The following SMOX variants were observed in gnomAD, a reference collection of about 807,000 sequenced individuals.
SMOX encodes flavin containing amine oxidase.
SMOX carries 22 observed loss-of-function variants against 51.0 expected under a neutral mutation model. The ratio of observed to expected loss-of-function variants is 0.43; its 90% CI spans 0.31 to 0.62. The LOEUF (loss-of-function observed/expected upper bound fraction) is 0.62, where lower values mean the gene tolerates loss of function less well. Among genes scored for constraint, SMOX ranks in the 20% least tolerant of loss-of-function variants. The pLI is 0.10. For missense variants in SMOX, 566 were observed against 777.7 expected (o/e 0.73, Z 3.24); for synonymous variants, 282 against 307.8 (o/e 0.92, Z 0.88).
At chr20:4,178,801 A>G in intron 3 of SMOX, among the ~76,000 whole-genome samples, 1 of 151,712 alleles carries the variant, frequency 6.6e-6, no homozygotes, top group Non-Finnish European at 1.5e-5. Flanking sequence ...CTCCTGCCTC[A>G]GTCTCCTGAG....
At position 4,153,160 on chromosome 20, in the gene SMOX, C is replaced by T. The variant is rs1008327802; in HGVS notation, c.-27+4183C>T. Among the ~76,000 whole-genome samples the T allele has an allele frequency of 6.6e-6, 1 of 152,128 alleles. No individual in the cohort carries two copies. Among genetic ancestry groups the T allele is most frequent in the Non-Finnish European group, 1.5e-5 (1 of 68,018 alleles). The stretch of plus-strand genomic sequence containing the variant: ...CCACTTTTTCTTCCAGGAGGGGCTC[C>T]GGACCCAGGCCAATGGGTTGGGCAT... On this transcript the variant is annotated intron_variant, in intron 1 of 6. Transcript: ENST00000305958. This position sits in a 1 kb window ranked among gnomAD's most constrained non-coding sequence, Gnocchi z 4.4.
At chr20:4,179,073 T>C (rs1460706134) in intron 3 of SMOX, among the ~76,000 whole-genome samples, 1 of 152,214 alleles carries the variant, frequency 6.6e-6, no homozygotes, top group Non-Finnish European at 1.5e-5. Context: ...CAGGCACACT[T>C]GGTGTCATGT....
chr20:4,160,422 C>A (rs567630947), intron 1 of SMOX, among the ~76,000 whole-genome samples: 1 of 152,312 alleles, frequency 6.6e-6, no homozygotes, highest in African/African-American at 2.4e-5. Flanking sequence ...GAGGTCGGAG[C>A]AGGGATTGAG....
At position 4,183,519 on chromosome 20, in the gene SMOX, G is replaced by T. The variant is rs1979506425; in HGVS notation, c.1395G>T (p.Arg465=). ...FTGNPNIPKP[R]RILRSAWGSN... is the part of the protein sequence containing the mutation. ...GGAACCCCAACATTCCAAAACCTCG[G>T]CGAATCTTGCGCTCGGCCTGGGGCA... Residue 465 remains arginine (R), a synonymous_variant, in exon 6 of 7, where the codon CGG becomes CGT. Transcript: ENST00000305958. This position sits in a 1 kb window ranked among gnomAD's most constrained non-coding sequence, Gnocchi z 4.3. 1 of 1,614,062 alleles carries T rather than the reference G, an allele frequency of 6.2e-7. No individual in the cohort carries two copies. Among genetic ancestry groups the T allele is most frequent in the Non-Finnish European group, 8.5e-7 (1 of 1,180,050 alleles).
At position 4,187,489 on chromosome 20, in the gene SMOX, A is replaced by T. The variant is rs1465811606; in HGVS notation, c.*82A>T. ...GCTGCCGTGTGCTCCTGCCTTCCTG[A>T]TCCTCTGTAGAAAGGATTTTTATCT... On this transcript the variant is annotated 3_prime_UTR_variant, in exon 7 of 7. Coordinates refer to ENST00000305958, the MANE Select transcript of SMOX (RefSeq NM_175839.3). This position sits in a 1 kb window ranked among gnomAD's most constrained non-coding sequence, Gnocchi z 4.8. The T allele has an allele frequency of 6.4e-7, 1 of 1,558,818 alleles. No homozygotes were observed. Among genetic ancestry groups the T allele is most frequent in the African/African-American group, 1.4e-5 (1 of 73,594 alleles).
intron 1 of SMOX, among the ~76,000 whole-genome samples, chr20:4,162,023 C>T (rs901429513): frequency 2.6e-5 from 4 of 152,194 alleles, no homozygotes; most frequent in Non-Finnish European, 4.4e-5. Context: ...GTGTCTCCAG[C>T]GCCTGTGCCT....
intron 1 of SMOX, among the ~76,000 whole-genome samples, chr20:4,152,547 G>A (rs987053289): frequency 5.9e-5 from 9 of 152,204 alleles, no homozygotes; most frequent in African/African-American, 9.6e-5. Flanking sequence ...ACACCGCGAC[G>A]TGGGTGCTAG....
chr20:4,157,495 A>T (rs1986069833), intron 1 of SMOX, among the ~76,000 whole-genome samples: 1 of 152,130 alleles, frequency 6.6e-6, no homozygotes, highest in South Asian at 2.1e-4. Flanking sequence ...TCTGGACAGA[A>T]TGAGAAGTCA....
chr20:4,157,922 T>A (rs12625541), intron 1 of SMOX, among the ~76,000 whole-genome samples: 72,117 of 151,122 alleles, frequency 0.48, 17,995 homozygotes, highest in African/African-American at 0.62. Flanking sequence ...TTTTTTTGAG[T>A]TGGAGTCTCG....
intron 3 of SMOX, among the ~76,000 whole-genome samples, chr20:4,180,837 G>A (rs548216794): frequency 2.1e-4 from 32 of 152,246 alleles, no homozygotes; most frequent in Admixed American, 1.8e-3. Flanking sequence ...TCACAGCCCC[G>A]GGTTCTTTCC....
intron 1 of SMOX, among the ~76,000 whole-genome samples, chr20:4,150,854 G>A (rs1373674255): frequency 3.2e-5 from 4 of 125,442 alleles, no homozygotes; most frequent in Non-Finnish European, 6.5e-5. Flanking sequence ...TCTTTGAGAC[G>A]GAGTTTCGCT....
chr20:4,183,654 G>C lies in SMOX; in HGVS notation c.1530G>C (p.Ala510=). Residue 510 remains alanine, a splice_region_variant and synonymous_variant, in exon 6 of 7, where the codon GCG becomes GCC. Coordinates refer to ENST00000305958, the MANE Select transcript of SMOX (RefSeq NM_175839.3). The surrounding 1 kb of genome is among the most constrained non-coding windows in gnomAD (Gnocchi z 4.3). ...PLPYTESSKT[A]PMQVLFSGEA... ...CGTACACAGAGAGCTCAAAGACAGC[G>C]GTAAGCGGGGCGTTTGGGGTGAGGA... The C allele has an allele frequency of 2.6e-6, 4 of 1,563,056 alleles. No individual in the cohort carries two copies. The highest frequency in any genetic ancestry group is 3.5e-6 in the Non-Finnish European group (4 of 1,155,980).
At chr20:4,184,737 C>T (rs1205008012) in intron 6 of SMOX, among the ~76,000 whole-genome samples, 1 of 152,148 alleles carries the variant, frequency 6.6e-6, no homozygotes, top group Non-Finnish European at 1.5e-5. Context: ...TCAGAAAGGC[C>T]CTTTCTGCTG....
rs201599922 is a variant in SMOX, at chr20:4,181,942, G to C, written c.575G>C (p.Arg192Pro). ...NDPDDPEATKRLKLAMIQQYL... is the reference protein window; with the variant it reads ...NDPDDPEATKPLKLAMIQQYL... ...CCTGACGACCCAGAGGCTACCAAGC[G>C]CCTGAAGCTCGCCATGATCCAGCAG... The change falls in exon 4 of 7, where the codon CGC becomes CCC. Residue 192 changes from arginine to proline, a missense_variant. Arg to Pro is a moderately radical substitution (Grantham distance 103). Transcript: ENST00000305958. The surrounding 1 kb of genome is among the most constrained non-coding windows in gnomAD (Gnocchi z 5.6). 29 of 1,613,962 alleles carry C rather than the reference G, an allele frequency of 1.8e-5. No homozygotes were observed. The highest frequency in any genetic ancestry group is 2.3e-5 in the Non-Finnish European group (27 of 1,180,020).
rs1978978547 is a variant in SMOX, at chr20:4,177,640, T to C, written c.435+63T>C. 6.8e-7 allele frequency: 1 copy of C among 1,466,968 alleles called. No individual in the cohort carries two copies. Among genetic ancestry groups the C allele is most frequent in the Non-Finnish European group, 9.3e-7 (1 of 1,077,970 alleles). The allele number at this position is 1,466,968 out of a possible 1,614,324, so 90.9% of individuals were successfully genotyped here. On this transcript the variant is annotated intron_variant, in intron 3 of 6. Coordinates refer to ENST00000305958, the MANE Select transcript of SMOX (RefSeq NM_175839.3). The surrounding 1 kb of genome is among the most constrained non-coding windows in gnomAD (Gnocchi z 4.3). Reference sequence around the variant, plus strand: ...GGGAGACCTGGGAGGTCTGTGATTCTGGTCGTGTCTCTGCACACTCCCTGG... The same window carrying C: ...GGGAGACCTGGGAGGTCTGTGATTCCGGTCGTGTCTCTGCACACTCCCTGG...
At chr20:4,165,475 C>A (rs1986533644) in intron 1 of SMOX, among the ~76,000 whole-genome samples, 1 of 152,220 alleles carries the variant, frequency 6.6e-6, no homozygotes, top group Non-Finnish European at 1.5e-5. Context: ...ACTGGAATTA[C>A]AGGCATGAGC....
intron 1 of SMOX, among the ~76,000 whole-genome samples, chr20:4,174,683 A>G (rs1978687803): frequency 6.6e-6 from 1 of 152,170 alleles, no homozygotes; most frequent in Non-Finnish European, 1.5e-5. Context: ...AGCAGGGCCT[A>G]ACAAGTTTGG....
intron 1 of SMOX, among the ~76,000 whole-genome samples, chr20:4,163,259 T>G (rs1986416515): frequency 6.6e-6 from 1 of 151,846 alleles, no homozygotes; most frequent in Admixed American, 6.5e-5. Flanking sequence ...TTAGATGACC[T>G]GGTATAGGTA....
At chr20:4,168,786 G>A (rs61643151) in intron 1 of SMOX, among the ~76,000 whole-genome samples, 11,643 of 151,366 alleles carry the variant, frequency 0.077, 583 homozygotes, top group African/African-American at 0.13. Flanking sequence ...TGAGCTCCTG[G>A]CCTCAAGTGA....
Sources: allele counts gnomAD v4.1 joint callset (sites outside exome capture counted in the v4.1 genomes callset), GRCh38; gene constraint gnomAD v4.1.1; non-coding constraint Gnocchi (gnomAD v3.1); transcripts MANE v1.5; gene names NCBI Gene and HGNC (gene_info 2026-07-23, HGNC 2026-07-21).